Variants in DAB1 observed in about 807,000 individuals in gnomAD.
The protein encoded by DAB1 is DAB adaptor protein 1.
In DAB1, 15 loss-of-function variants were observed where a neutral mutation model predicts 64.6. The observed-to-expected ratio is 0.23, with a 90% CI of 0.16 to 0.36. The LOEUF is 0.36. DAB1 is among the 10% of genes least tolerant of loss of function. The probability of loss-of-function intolerance (pLI) is 1.00; values close to 1 mark genes in which losing one functional copy is unlikely to be tolerated. For missense variants in DAB1, 596 were observed against 706.7 expected (o/e 0.84, Z 1.78); for synonymous variants, 235 against 251.9 (o/e 0.93, Z 0.64).
intron 6 of DAB1, among the ~76,000 whole-genome samples, chr1:57,795,690 G>GATTTTATATATAT (rs1270547155): frequency 4.3e-5 from 3 of 69,090 alleles, no homozygotes; most frequent in African/African-American, 1.7e-4. Flanking sequence ...TATGCTTGGA[G>GATTTTATATATAT]ATATATATAT....
intron 1 of DAB1, among the ~76,000 whole-genome samples, chr1:57,387,956 C>T (rs1025350001): frequency 4.0e-5 from 6 of 150,010 alleles, no homozygotes; most frequent in Admixed American, 1.3e-4. Context: ...CTATCTGCTA[C>T]ATGCCCCTCT....
At chr1:58,048,704 C>G in intron 5 of DAB1, 1 of 1,325,296 alleles carries the variant, frequency 7.5e-7, no homozygotes, top group South Asian at 1.2e-5. Flanking sequence ...TCCAGAACCA[C>G]TTCACCTCTT....
intron 5 of DAB1, among the ~76,000 whole-genome samples, chr1:58,133,476 T>C (rs1370925884): frequency 6.6e-6 from 1 of 152,216 alleles, no homozygotes; most frequent in Non-Finnish European, 1.5e-5. Flanking sequence ...GTCATTTGCT[T>C]AACTGTCTGA....
At chr1:57,145,189 C>T (rs568727640) in intron 3 of DAB1, 101 bp downstream of exon 3, 2 of 1,195,868 alleles carry the variant, frequency 1.7e-6, no homozygotes, top group East Asian at 2.5e-5. Flanking sequence ...AAGTAATTTA[C>T]CAATAAATGA....
chr1:57,489,279 G>C (rs1325863667), intron 7 of DAB1, among the ~76,000 whole-genome samples: 3 of 152,132 alleles, frequency 2.0e-5, no homozygotes, highest in Admixed American at 1.3e-4. Flanking sequence ...CCCAGGTCAG[G>C]CCTTTAAATA....
intron 3 of DAB1, among the ~76,000 whole-genome samples, chr1:58,430,724 A>G (rs1343214475): frequency 1.3e-5 from 2 of 152,348 alleles, no homozygotes; most frequent in Non-Finnish European, 2.9e-5. Flanking sequence ...GAGGTAATCA[A>G]AAAGCAATTT....
At chr1:57,560,565 G>A (rs1645038418) in intron 7 of DAB1, among the ~76,000 whole-genome samples, 2 of 152,154 alleles carry the variant, frequency 1.3e-5, no homozygotes, top group South Asian at 4.1e-4. Context: ...GATTTTGGAG[G>A]CAACACATTC....
At chr1:58,540,823 A>C (rs192093722) in intron 1 of DAB1, among the ~76,000 whole-genome samples, 17 of 152,024 alleles carry the variant, frequency 1.1e-4, no homozygotes, top group Admixed American at 8.5e-4. Context: ...CAGAAAAAAA[A>C]AACACTTGAA....
intron 7 of DAB1, among the ~76,000 whole-genome samples, chr1:57,607,869 GTAA>G (rs1645676177): frequency 6.6e-6 from 1 of 152,200 alleles, no homozygotes; most frequent in Admixed American, 6.5e-5. Flanking sequence ...AAACAGTCCA[GTAA>G]TGACTGTCAG....
intron 2 of DAB1, among the ~76,000 whole-genome samples, chr1:57,216,072 CTACACATTAA>C (rs571428807): frequency 3.4e-4 from 52 of 152,174 alleles, no homozygotes; most frequent in Admixed American, 1.6e-3. Flanking sequence ...TCTTTGCTTT[CTACACATTAA>C]TACTGTGGTT....
At position 58,330,625 on chromosome 1, in the gene DAB1, C is replaced by T. The variant is rs553068254; in HGVS notation, n.309+12727G>A. The stretch of plus-strand genomic sequence containing the variant: ...TGTTAGGGGCTAATGCAGCTGGTGA[C>T]TTTAAGTTGAAATCAGTGCTCATTT... On this transcript the variant is annotated intron_variant and non_coding_transcript_variant, in intron 4 of 20. Transcript: ENST00000485760. Among the ~76,000 whole-genome samples the T allele has an allele frequency of 2.6e-5, 4 of 152,284 alleles. No homozygotes were observed. In the East Asian group the frequency reaches 7.7e-4, roughly 29 times the overall value.
chr1:58,255,275 G>A (rs1047101828), intron 4 of DAB1, among the ~76,000 whole-genome samples: 8 of 151,320 alleles, frequency 5.3e-5, no homozygotes, highest in African/African-American at 1.7e-4. Context: ...AAATTTGTTT[G>A]AGTTCATTGT....
At chr1:57,426,876 T>TATATATATATATATATATATA (rs1383757354), upstream of DAB1, among the ~76,000 whole-genome samples, 1,001 of 134,632 alleles carry the variant, frequency 7.4e-3, 27 homozygotes, top group Non-Finnish European at 0.01. Context: ...ATATATATAT[T>TATATATATATATATATATATA]TTTTTGAGAC....
intron 6 of DAB1, among the ~76,000 whole-genome samples, chr1:57,680,383 A>T (rs886459256): frequency 1.3e-5 from 2 of 152,240 alleles, no homozygotes; most frequent in Admixed American, 1.3e-4. Context: ...CAGAAGTCTG[A>T]CACAGGTCTC....
intron 9 of DAB1, among the ~76,000 whole-genome samples, chr1:57,059,312 C>T (rs978301414): frequency 6.6e-6 from 1 of 152,090 alleles, no homozygotes; most frequent in Admixed American, 6.5e-5. Flanking sequence ...AAGAACTACA[C>T]CCAGATCTCA....
chr1:57,118,342 G>A (rs1656328570), intron 4 of DAB1, among the ~76,000 whole-genome samples: 1 of 152,148 alleles, frequency 6.6e-6, no homozygotes, highest in Admixed American at 6.5e-5. Flanking sequence ...GAAGTCTGAA[G>A]GGGCCACATA....
At chr1:57,931,209 T>C (rs912923787) in intron 5 of DAB1, among the ~76,000 whole-genome samples, 1 of 152,204 alleles carries the variant, frequency 6.6e-6, no homozygotes, top group African/African-American at 2.4e-5. Context: ...TCTTACTTGA[T>C]TGCGGTGTGT....
chr1:57,258,554 C>T (rs747415976), intron 2 of DAB1, among the ~76,000 whole-genome samples: 3 of 152,108 alleles, frequency 2.0e-5, no homozygotes, highest in East Asian at 1.9e-4. Flanking sequence ...ATCATGATTT[C>T]GATGAGCTTT....
chr1:57,756,685 A>T (rs1224032495), intron 6 of DAB1, among the ~76,000 whole-genome samples: 1 of 152,166 alleles, frequency 6.6e-6, no homozygotes, highest in Non-Finnish European at 1.5e-5. Flanking sequence ...AAAAAAAAAA[A>T]ATGATAACAG....
Sources: gnomAD v4.1 joint callset for allele counts (sites outside exome capture counted in the v4.1 genomes callset) on GRCh38, gnomAD v4.1.1 for gene constraint, MANE v1.5 for transcripts, NCBI Gene and HGNC (gene_info 2026-07-23, HGNC 2026-07-21) for gene names.